The following RPS6KA5 variants were observed in gnomAD, a reference collection of about 807,000 sequenced individuals.
RPS6KA5 encodes the protein ribosomal protein S6 kinase alpha-5.
A neutral mutation model predicts 85.5 loss-of-function variants in RPS6KA5; 27 were observed. That is an observed-to-expected ratio of 0.32 (90% CI 0.23 to 0.44). The LOEUF is 0.44. Ranked by LOEUF, RPS6KA5 falls within the 20% of genes least tolerant of loss-of-function variation. The pLI is 1.00. For missense variants in RPS6KA5, 811 were observed against 980.9 expected, an observed-to-expected ratio of 0.83 and a Z score of 2.31; for synonymous variants, 334 against 348.2, an observed-to-expected ratio of 0.96 and a Z score of 0.46.
At chr14:91,023,352 G>C (rs1221822914) in intron 1 of RPS6KA5, among the ~76,000 whole-genome samples, 1 of 151,404 alleles carries the variant, frequency 6.6e-6, no homozygotes, top group Non-Finnish European at 1.5e-5. Flanking sequence ...GCAATGGTGT[G>C]ATCTCCTCAC....
intron 12 of RPS6KA5, among the ~76,000 whole-genome samples, chr14:90,896,983 A>G (rs1057322871): frequency 8.5e-5 from 13 of 152,128 alleles, no homozygotes; most frequent in African/African-American, 3.1e-4. Flanking sequence ...TCACCTTCCC[A>G]AAGTGCTGGA....
chr14:90,971,202 AG>A (rs1366464531), intron 3 of RPS6KA5, among the ~76,000 whole-genome samples: 5 of 152,114 alleles, frequency 3.3e-5, no homozygotes, highest in Non-Finnish European at 5.9e-5. Flanking sequence ...CTGTAAACCC[AG>A]CTACTCGGGA....
chr14:91,000,716 C>T (rs1030490352), intron 2 of RPS6KA5, among the ~76,000 whole-genome samples: 5 of 152,082 alleles, frequency 3.3e-5, no homozygotes, highest in African/African-American at 1.2e-4. Context: ...GCAGGAGAAT[C>T]GCTTGAACCC....
In RPS6KA5 at chr14:91,009,881, G is replaced by GGCA. The variant is rs527731752; in HGVS notation, c.104-8725_104-8723dup. On this transcript the variant is annotated intron_variant, in intron 1 of 16. Transcript: ENST00000614987. ...TCTTGATGATTACCTAGAGTTATGAGGCAAGAAGAAAAAGAGCCAGAGAAG... is the reference window on the plus strand; with the variant it reads ...TCTTGATGATTACCTAGAGTTATGAGGCAGCAAGAAGAAAAAGAGCCAGAGAAG... Among the ~76,000 whole-genome samples the GGCA allele has an allele frequency of 5.3e-5, 8 of 152,118 alleles. No homozygotes were observed. In the East Asian group the frequency reaches 1.5e-3, roughly 29 times the overall value.
At chr14:90,875,066 G>C (rs752638507) in intron 15 of RPS6KA5, 135 bp downstream of exon 15, 2 of 817,740 alleles carry the variant, frequency 2.4e-6, no homozygotes, top group Non-Finnish European at 3.8e-6. Context: ...CAAGGCTGAA[G>C]AGAGTAGCCT....
At chr14:90,961,375 G>C (rs1268204514) in intron 3 of RPS6KA5, among the ~76,000 whole-genome samples, 3 of 152,148 alleles carry the variant, frequency 2.0e-5, no homozygotes, top group Non-Finnish European at 4.4e-5. Context: ...AAGACAGTGG[G>C]TTTAGACGTT....
chr14:90,865,347 T>C lies in RPS6KA5; in HGVS notation c.*6727A>G, dbSNP rs983753140. On this transcript the variant is annotated 3_prime_UTR_variant, in exon 17 of 17. Transcript: ENST00000614987. The stretch of plus-strand genomic sequence containing the variant: ...ACGAAAAAGAACAAACTACTGTTAT[T>C]GCTACATGCAACAACATAGATGCAT... The C allele has an allele frequency of 6.6e-6, 1 of 152,252 alleles. No homozygotes were observed. The highest frequency in any genetic ancestry group is 1.5e-5 in the Non-Finnish European group (1 of 68,048). The allele number at this position is 152,252 out of a possible 1,614,324, so 9.4% of individuals were successfully genotyped here.
Position 91,044,820 on chromosome 14 carries a change from G to A in RPS6KA5, c.103+15512C>T, listed in dbSNP as rs569454763. Among the ~76,000 whole-genome samples, 9 of 149,646 alleles carry A rather than the reference G, an allele frequency of 6.0e-5. 1 individual carries two copies. The highest frequency in any genetic ancestry group is 3.9e-4 in the East Asian group (2 of 5,116). ...CAGGAGGCAGAGGTTGCAGTGAGCC[G>A]AGACCGCACCATTGCACTCCAGCCT... On this transcript the variant is annotated intron_variant, in intron 1 of 16. Coordinates refer to ENST00000614987, the MANE Select transcript of RPS6KA5 (RefSeq NM_004755.4).
Position 90,976,221 on chromosome 14 carries a change from A to G in RPS6KA5, c.394+2085T>C, listed in dbSNP as rs112525998. On this transcript the variant is annotated intron_variant, in intron 3 of 16. Transcript: ENST00000614987. ...AGAACAGAAAAAAAAAAAAAAAAAA[A>G]AGAGAGGAGACAGAAAGGGCGGGGG... 2.7e-4 allele frequency among the ~76,000 whole-genome samples: 40 copies of G among 146,680 alleles called. No individual in the cohort carries two copies. The South Asian group carries it at 5.9e-3, about 22-fold the overall frequency.
intron 4 of RPS6KA5, among the ~76,000 whole-genome samples, chr14:90,943,904 G>A (rs948570787): frequency 7.9e-5 from 12 of 152,136 alleles, no homozygotes; most frequent in African/African-American, 2.9e-4. Flanking sequence ...CCAGGCTGGA[G>A]TGCAGTGGCG....
chr14:90,951,615 T>C (rs1263659406), intron 3 of RPS6KA5, among the ~76,000 whole-genome samples: 1 of 152,200 alleles, frequency 6.6e-6, no homozygotes, highest in Non-Finnish European at 1.5e-5. Context: ...GGTTTAATAA[T>C]AGACTGGGCA....
At chr14:90,972,851 A>G (rs773997347) in intron 3 of RPS6KA5, among the ~76,000 whole-genome samples, 1 of 152,244 alleles carries the variant, frequency 6.6e-6, no homozygotes, top group African/African-American at 2.4e-5. Context: ...AGAAATGATT[A>G]ATTACTTTAT....
At chr14:90,948,504 G>T (rs1262312085) in intron 3 of RPS6KA5, among the ~76,000 whole-genome samples, 1 of 152,100 alleles carries the variant, frequency 6.6e-6, no homozygotes, top group Non-Finnish European at 1.5e-5. Flanking sequence ...AGACCATCCT[G>T]GCTAACACGG....
chr14:90,918,378 T>C (rs1333462434), intron 7 of RPS6KA5, among the ~76,000 whole-genome samples: 2 of 152,198 alleles, frequency 1.3e-5, no homozygotes, highest in Non-Finnish European at 2.9e-5. Flanking sequence ...TTAAATGCAG[T>C]TGTTTGTTTT....
intron 2 of RPS6KA5, among the ~76,000 whole-genome samples, chr14:90,978,878 CT>C (rs1331412308): frequency 6.6e-6 from 1 of 152,048 alleles, no homozygotes; most frequent in Non-Finnish European, 1.5e-5. Context: ...TCAGATAAAA[CT>C]TCTAGATATA....
At chr14:91,039,157 A>T (rs1595531854) in intron 1 of RPS6KA5, among the ~76,000 whole-genome samples, 1 of 152,088 alleles carries the variant, frequency 6.6e-6, no homozygotes, top group East Asian at 1.9e-4. Flanking sequence ...CAATCCCCTG[A>T]AGGTAAGAGT....
intron 5 of RPS6KA5, among the ~76,000 whole-genome samples, chr14:90,929,506 C>A (rs948583307): frequency 6.6e-6 from 1 of 151,826 alleles, no homozygotes; most frequent in Non-Finnish European, 1.5e-5. Context: ...AAAGGTAATT[C>A]TTATAATTGA....
At chr14:90,888,341 T>C (rs2034352974) in intron 14 of RPS6KA5, among the ~76,000 whole-genome samples, 1 of 152,198 alleles carries the variant, frequency 6.6e-6, no homozygotes, top group Non-Finnish European at 1.5e-5. Context: ...TGGACATAAT[T>C]GGCCTTTAGC....
intron 1 of RPS6KA5, among the ~76,000 whole-genome samples, chr14:91,022,149 T>G (rs1188821306): frequency 6.6e-6 from 1 of 152,224 alleles, no homozygotes; most frequent in Admixed American, 6.5e-5. Flanking sequence ...CCTTATTCAG[T>G]TGACTTGTAA....
Sources: allele counts gnomAD v4.1 joint callset (sites outside exome capture counted in the v4.1 genomes callset), GRCh38; gene constraint gnomAD v4.1.1; transcripts MANE v1.5; gene names NCBI Gene and HGNC (gene_info 2026-07-23, HGNC 2026-07-21).